The following DNAH6 variants were observed in gnomAD, a reference collection of about 807,000 sequenced individuals.
DNAH6 encodes the protein dynein axonemal heavy chain 6.
DNAH6 carries 340 observed loss-of-function variants against 491.4 expected under a neutral mutation model. The ratio of observed to expected loss-of-function variants is 0.69; its 90% CI spans 0.63 to 0.76. DNAH6 has a LOEUF of 0.76. Among genes scored for constraint, DNAH6 ranks in the 30% least tolerant of loss-of-function variants. The probability of loss-of-function intolerance (pLI) is 0.00; values close to 1 mark genes in which losing one functional copy is unlikely to be tolerated. For synonymous variants in DNAH6, 1,603 were observed against 1,686.1 expected, an observed-to-expected ratio of 0.95 and a Z score of 1.21; for missense variants, 4,443 against 4,972.2, an observed-to-expected ratio of 0.89 and a Z score of 3.20.
At chr2:84,774,395 G>A (rs1270624530) in intron 64 of DNAH6, among the ~76,000 whole-genome samples, 2 of 151,848 alleles carry the variant, frequency 1.3e-5, no homozygotes, top group African/African-American at 4.8e-5. Context: ...TTTATTTCTG[G>A]GGTCTCTATT....
intron 2 of DNAH6, among the ~76,000 whole-genome samples, chr2:84,525,344 T>A (rs1676512773): frequency 6.6e-6 from 1 of 152,038 alleles, no homozygotes; most frequent in South Asian, 2.1e-4. Flanking sequence ...CATTGATAAT[T>A]TCAAGTATAA....
At chr2:84,587,478 A>G (rs1206113246) in intron 15 of DNAH6, among the ~76,000 whole-genome samples, 2 of 152,346 alleles carry the variant, frequency 1.3e-5, no homozygotes, top group East Asian at 3.9e-4. Flanking sequence ...AGCATGGCCC[A>G]TTCTAACTAG....
chr2:84,547,323 T>C lies in DNAH6; in HGVS notation c.986T>C (p.Met329Thr). Reference protein sequence around the residue: ...INELCYHLSFMGLCYIEKCHT... With the variant: ...INELCYHLSFTGLCYIEKCHT... ...GAATTGTGTTATCATTTGAGTTTTA[T>C]GGGACTTTGTTATATTGAAAAGTGT... is the stretch of plus-strand genomic sequence containing the variant. Residue 329 changes from methionine (M) to threonine (T), a missense_variant, in exon 6 of 77, where the codon ATG becomes ACG. Coordinates refer to ENST00000389394, the MANE Select transcript of DNAH6 (RefSeq NM_001370.2). 6 of 1,551,208 alleles carry C rather than the reference T, an allele frequency of 3.9e-6. No individual in the cohort carries two copies. Among genetic ancestry groups the C allele is most frequent in the Non-Finnish European group, 5.2e-6 (6 of 1,146,740 alleles).
intron 2 of DNAH6, among the ~76,000 whole-genome samples, chr2:84,518,655 T>G (rs1033321052): frequency 6.6e-6 from 1 of 152,232 alleles, no homozygotes; most frequent in African/African-American, 2.4e-5. Flanking sequence ...TTAAAGTTGT[T>G]TAATTTGTCA....
Position 84,715,442 on chromosome 2 carries a change from T to C in DNAH6, c.9544-118T>C, listed in dbSNP as rs1052656329. The C allele has an allele frequency of 5.9e-6, 5 of 845,588 alleles. No homozygotes were observed. In the Admixed American group the frequency reaches 1.1e-4, roughly 19 times the overall value. 52.4% of individuals were successfully genotyped at this position (845,588 alleles called of 1,614,324 possible). On this transcript the variant is annotated intron_variant, in intron 57 of 76. Transcript: ENST00000389394. ...TAAAGTATGTGTGGGGGTAGGTGTG[T>C]GTGCAATTAGACCTGAGATACATCC...
intron 72 of DNAH6, among the ~76,000 whole-genome samples, chr2:84,811,226 CTG>C (rs1227019043): frequency 1.3e-5 from 2 of 152,240 alleles, no homozygotes. Context: ...CACACAATGC[CTG>C]TCGCTAAGAT....
At chr2:84,729,594 T>G (rs190422246) in intron 61 of DNAH6, among the ~76,000 whole-genome samples, 2 of 152,328 alleles carry the variant, frequency 1.3e-5, no homozygotes. Flanking sequence ...CCCATGTCCA[T>G]TCCAGCACCA....
chr2:84,503,759 C>T, the DNAH6 span, among the ~76,000 whole-genome samples: 1 of 151,444 alleles, frequency 6.6e-6, no homozygotes, highest in Non-Finnish European at 1.5e-5. Flanking sequence ...ATGGAAAAGT[C>T]TCCTGGCAGA....
chr2:84,605,445 TTGAG>T, intron 19 of DNAH6, 51 bp from the exon 20 acceptor site: 1 of 1,181,008 alleles, frequency 8.5e-7, no homozygotes, highest in Non-Finnish European at 1.2e-6. Flanking sequence ...CGTGCATTTA[TTGAG>T]TATCTAAACA....
intron 47 of DNAH6, chr2:84,697,938 A>G: frequency 1.8e-6 from 1 of 565,344 alleles, no homozygotes; most frequent in East Asian, 3.2e-5. Flanking sequence ...GAAAACAGAA[A>G]TCCCATTGCC....
Position 84,746,576 on chromosome 2 carries a change from G to A in DNAH6, c.10512+1327G>A, listed in dbSNP as rs546324346. The stretch of plus-strand genomic sequence containing the variant: ...GGATTTGATTGGTGAGTTTCAGGAA[G>A]CATTAGAGAAAAATGGAGATTGTTC... On this transcript the variant is annotated intron_variant, in intron 63 of 76. Coordinates refer to ENST00000389394, the MANE Select transcript of DNAH6 (RefSeq NM_001370.2). Among the ~76,000 whole-genome samples the A allele has an allele frequency of 2.5e-4, 38 of 152,280 alleles. No individual in the cohort carries two copies. The South Asian group carries it at 3.5e-3, about 14-fold the overall frequency.
At chr2:84,557,473 C>G (rs1024091266) in intron 10 of DNAH6, among the ~76,000 whole-genome samples, 1 of 150,004 alleles carries the variant, frequency 6.7e-6, no homozygotes, top group Non-Finnish European at 1.5e-5. Context: ...GGTGAAACCC[C>G]GTCTCTACTA....
intron 57 of DNAH6, 47 bp from the exon 58 acceptor site, chr2:84,715,513 T>C (rs1469619004): frequency 1.3e-6 from 2 of 1,519,912 alleles, no homozygotes; most frequent in East Asian, 2.5e-5. Context: ...AGGTATTTTA[T>C]TAGTTTGCAC....
intron 47 of DNAH6, 138 bp from the exon 48 acceptor site, chr2:84,699,456 T>C (rs1695683443): frequency 3.9e-6 from 3 of 772,272 alleles, no homozygotes; most frequent in Non-Finnish European, 6.0e-6. Flanking sequence ...GAGTGAATGT[T>C]GAACAAGAAA....
At chr2:84,583,147 A>G (rs1019637495) in intron 14 of DNAH6, among the ~76,000 whole-genome samples, 3 of 152,254 alleles carry the variant, frequency 2.0e-5, no homozygotes, top group African/African-American at 7.2e-5. Context: ...GAAGATGTTT[A>G]GTAGTCACTG....
At position 84,669,486 on chromosome 2, in the gene DNAH6, T is replaced by G. The variant is rs1376037732; in HGVS notation, c.6282T>G (p.Phe2094Leu). 6.4e-7 allele frequency: 1 copy of G among 1,551,696 alleles called. No individual in the cohort carries two copies. Among genetic ancestry groups the G allele is most frequent in the East Asian group, 2.4e-5 (1 of 40,940 alleles). Residue 2094 changes from phenylalanine to leucine, a missense_variant, in exon 38 of 77, where the codon TTT becomes TTG. Physicochemically the swap from Phe to Leu is conservative, Grantham distance 22. Coordinates refer to ENST00000389394, the MANE Select transcript of DNAH6 (RefSeq NM_001370.2). ...TGGCAGTCAAGCATTCCGTGTTGTT[T>G]ACTGGAATAACTGGAGTGGGCAAGG... Reference protein sequence around the residue: ...KLLAVKHSVLFTGITGVGKSV... With the variant: ...KLLAVKHSVLLTGITGVGKSV...
chr2:84,654,005 T>A, intron 34 of DNAH6, 131 bp downstream of exon 34: 1 of 715,102 alleles, frequency 1.4e-6, no homozygotes, highest in Non-Finnish European at 2.2e-6. Context: ...ACTTACTTAT[T>A]AAGTCATCCT....
intron 50 of DNAH6, 129 bp downstream of exon 50, chr2:84,703,691 G>GTTTTTTT: frequency 1.5e-6 from 1 of 683,238 alleles, no homozygotes. Context: ...ATTTAGCAAA[G>GTTTTTTT]TTTTTTTTTT....
chr2:84,594,092 G>A lies in DNAH6; in HGVS notation c.2724+7G>A. On this transcript the variant is annotated splice_region_variant and intron_variant, in intron 17 of 76. Coordinates refer to ENST00000389394, the MANE Select transcript of DNAH6 (RefSeq NM_001370.2). ...CCAACAAGAATGGTTAAAGGTAGGG[G>A]AAAAAAGCCTTCAGTTCTCAAATTA... 2 of 1,412,738 alleles carry A rather than the reference G, an allele frequency of 1.4e-6. No individual in the cohort carries two copies. The highest frequency in any genetic ancestry group is 2.2e-5 in the Admixed American group (1 of 45,732). The allele number at this position is 1,412,738 out of a possible 1,614,324, so 87.5% of individuals were successfully genotyped here. A position where few individuals can be genotyped will look rare whatever the true frequency, so the allele number is the denominator to read the frequency against.
Sources: gnomAD v4.1 joint callset for allele counts (sites outside exome capture counted in the v4.1 genomes callset) on GRCh38, gnomAD v4.1.1 for gene constraint, MANE v1.5 for transcripts, NCBI Gene and HGNC (gene_info 2026-07-23, HGNC 2026-07-21) for gene names.